The following ARMH3 variants were observed in gnomAD, a reference collection of about 807,000 sequenced individuals.
ARMH3 encodes the protein armadillo like helical domain containing 3.
A neutral mutation model predicts 99.1 loss-of-function variants in ARMH3; 60 were observed. The ratio of observed to expected loss-of-function variants is 0.61; its 90% confidence interval spans 0.49 to 0.75. ARMH3 has a LOEUF of 0.75. Ranked by LOEUF, ARMH3 falls within the 30% of genes least tolerant of loss-of-function variation. ARMH3 has a pLI of 0.00. For synonymous variants in ARMH3, 285 were observed against 292.8 expected (o/e 0.97, Z 0.27); for missense variants, 679 against 843.1 (o/e 0.81, Z 2.41).
At chr10:101,891,217 C>T (rs1481992640) in intron 23 of ARMH3, among the ~76,000 whole-genome samples, 12 of 148,728 alleles carry the variant, frequency 8.1e-5, no homozygotes, top group South Asian at 2.1e-4. Context: ...TTTTTTGAGA[C>T]GGAGTTTTGC....
intron 24 of ARMH3, among the ~76,000 whole-genome samples, chr10:101,864,447 T>G (rs1490306457): frequency 6.6e-6 from 1 of 152,230 alleles, no homozygotes; most frequent in Non-Finnish European, 1.5e-5. Flanking sequence ...TGCACACGTA[T>G]GTTTATTGCG....
chr10:101,956,458 TGAGAA>T, intron 22 of ARMH3, 134 bp downstream of exon 22: 1 of 1,110,540 alleles, frequency 9.0e-7, no homozygotes, highest in Non-Finnish European at 1.3e-6. Context: ...TCCTATTGCC[TGAGAA>T]GAGGAGACTA....
In ARMH3 at chr10:101,898,717, T is replaced by A. The variant is rs192253339; in HGVS notation, c.1782-9227A>T. Reference sequence around the variant, plus strand: ...ACACACACACACATATATGTATGTATATGAAGATTCTTGAAGGTTTCACCC... The same window carrying A: ...ACACACACACACATATATGTATGTAAATGAAGATTCTTGAAGGTTTCACCC... On this transcript the variant is annotated intron_variant, in intron 23 of 25. Transcript: ENST00000370033. Among the ~76,000 whole-genome samples the A allele has an allele frequency of 1.6e-3, 248 of 152,362 alleles. 2 individuals are homozygous for A. Among genetic ancestry groups the A allele is most frequent in the South Asian group, 7.3e-3 (35 of 4,826 alleles).
chr10:102,050,923 C>T (rs901118539), intron 1 of ARMH3, among the ~76,000 whole-genome samples: 60 of 151,104 alleles, frequency 4.0e-4, no homozygotes, highest in South Asian at 1.5e-3. Flanking sequence ...TTTGGGAGGC[C>T]GAGGCAGATC....
intron 1 of ARMH3, among the ~76,000 whole-genome samples, chr10:102,050,643 A>G (rs1238403674): frequency 1.3e-5 from 2 of 150,926 alleles, no homozygotes; most frequent in African/African-American, 4.9e-5. Context: ...GGATCACTTG[A>G]GGTCGGGAGT....
intron 24 of ARMH3, among the ~76,000 whole-genome samples, chr10:101,860,238 A>T (rs1287357545): frequency 6.6e-6 from 1 of 152,096 alleles, no homozygotes; most frequent in African/African-American, 2.4e-5. Flanking sequence ...GGTGGAGATG[A>T]TATATATAGA....
At chr10:102,033,507 C>T in intron 2 of ARMH3, 168 bp from the exon 3 acceptor site, 1 of 701,938 alleles carries the variant, frequency 1.4e-6, no homozygotes, top group Non-Finnish European at 2.2e-6. Context: ...AGGCTCCGCC[C>T]CCCAGGGTTC....
At chr10:101,921,185 A>G (rs1843292980) in intron 23 of ARMH3, among the ~76,000 whole-genome samples, 1 of 152,240 alleles carries the variant, frequency 6.6e-6, no homozygotes, top group Non-Finnish European at 1.5e-5. Context: ...AACTACTGAT[A>G]TATACCACAA....
In ARMH3 at chr10:101,847,321, ACCCATTCCTCC is replaced by A. The variant is rs2135241574; in HGVS notation, c.*196_*206del. On this transcript the variant is annotated 3_prime_UTR_variant, in exon 26 of 26. Transcript: ENST00000370033. ...CTGGAGGCCTCTCCCCACTGTGCCC[ACCCATTCCTCC>A]CCAAATAAGATTATCCCTGGCTTGA... is the stretch of plus-strand genomic sequence containing the variant. The A allele has an allele frequency of 1.8e-6, 1 of 540,632 alleles. No individual in the cohort carries two copies. The highest frequency in any genetic ancestry group is 1.9e-5 in the African/African-American group (1 of 52,582). 33.5% of individuals were successfully genotyped at this position (540,632 alleles called of 1,614,324 possible). A position where few individuals can be genotyped will look rare whatever the true frequency, so the allele number is the denominator to read the frequency against.
intron 23 of ARMH3, among the ~76,000 whole-genome samples, chr10:101,920,759 A>G (rs1843274854): frequency 6.6e-6 from 1 of 152,226 alleles, no homozygotes; most frequent in African/African-American, 2.4e-5. Flanking sequence ...TCACCAACAG[A>G]TAACTGGATA....
At chr10:102,012,526 A>C (rs2066654251) in intron 10 of ARMH3, among the ~76,000 whole-genome samples, 1 of 152,238 alleles carries the variant, frequency 6.6e-6, no homozygotes, top group South Asian at 2.1e-4. Flanking sequence ...CACTGGACTA[A>C]ATGGAAGTGC....
At chr10:102,031,783 A>G (rs2067137057) in intron 4 of ARMH3, among the ~76,000 whole-genome samples, 1 of 152,080 alleles carries the variant, frequency 6.6e-6, no homozygotes, top group Non-Finnish European at 1.5e-5. Flanking sequence ...TCTGTCGCCC[A>G]GGCTGGAGTG....
intron 23 of ARMH3, among the ~76,000 whole-genome samples, chr10:101,933,449 T>C (rs541443829): frequency 6.6e-6 from 1 of 152,342 alleles, no homozygotes; most frequent in East Asian, 1.9e-4. Context: ...CTATGACCTA[T>C]TGTAAAACTT....
chr10:102,050,258 C>T (rs544824116), intron 1 of ARMH3, among the ~76,000 whole-genome samples: 15 of 151,900 alleles, frequency 9.9e-5, no homozygotes, highest in Non-Finnish European at 1.6e-4. Context: ...CTGGCTAACA[C>T]GGTGAAACCC....
At chr10:101,985,801 G>A (rs1035291109) in intron 19 of ARMH3, among the ~76,000 whole-genome samples, 8 of 152,054 alleles carry the variant, frequency 5.3e-5, no homozygotes, top group Non-Finnish European at 1.0e-4. Context: ...TGGGTCACCG[G>A]AGGTCAGGAG....
chr10:102,003,313 C>T (rs1267311188), intron 14 of ARMH3, among the ~76,000 whole-genome samples: 1 of 152,070 alleles, frequency 6.6e-6, no homozygotes, highest in East Asian at 1.9e-4. Flanking sequence ...CAGGCACCCA[C>T]CACCATGCCC....
At chr10:101,864,074 AAAAAAC>A (rs1387689889) in intron 24 of ARMH3, among the ~76,000 whole-genome samples, 10 of 129,048 alleles carry the variant, frequency 7.7e-5, no homozygotes, top group African/African-American at 2.8e-4. Context: ...AAAAAAAAAA[AAAAAAC>A]ACACACACAC....
intron 1 of ARMH3, among the ~76,000 whole-genome samples, chr10:102,044,763 C>T (rs2067505520): frequency 1.3e-5 from 2 of 151,788 alleles, no homozygotes; most frequent in Non-Finnish European, 1.5e-5. Context: ...GGTAAACATC[C>T]TAAAATACTT....
chr10:101,907,201 T>C (rs1016335158), intron 23 of ARMH3, among the ~76,000 whole-genome samples: 1 of 152,208 alleles, frequency 6.6e-6, no homozygotes, highest in Non-Finnish European at 1.5e-5. Context: ...TTTATAGATA[T>C]AATTTGCTTA....
Sources: gnomAD v4.1 joint callset for allele counts (sites outside exome capture counted in the v4.1 genomes callset) on GRCh38, gnomAD v4.1.1 for gene constraint, MANE v1.5 for transcripts, NCBI Gene and HGNC (gene_info 2026-07-23, HGNC 2026-07-21) for gene names.